The following RCAN2 variants were observed in gnomAD, a reference collection of about 807,000 sequenced individuals.
RCAN2 encodes regulator of calcineurin 2, also known as calcipressin-2.
In RCAN2, 9 loss-of-function variants were observed where a neutral mutation model predicts 23.6. The observed-to-expected ratio is 0.38, with a 90% CI of 0.23 to 0.67. The LOEUF (loss-of-function observed/expected upper bound fraction) is 0.67, where lower values mean the gene tolerates loss of function less well. RCAN2 is among the 30% of genes least tolerant of loss of function. The pLI is 0.51. For missense variants in RCAN2, 273 were observed against 302.3 expected, an observed-to-expected ratio of 0.90 and a Z score of 0.72; for synonymous variants, 109 against 115.7, an observed-to-expected ratio of 0.94 and a Z score of 0.37.
chr6:46,487,284 T>C (rs1769021610), intron 1 of RCAN2, among the ~76,000 whole-genome samples: 1 of 152,234 alleles, frequency 6.6e-6, no homozygotes, highest in Non-Finnish European at 1.5e-5. Context: ...GGTAACCTAT[T>C]AATGAATACT....
At chr6:46,487,699 C>T (rs1769033738) in intron 1 of RCAN2, among the ~76,000 whole-genome samples, 1 of 152,176 alleles carries the variant, frequency 6.6e-6, no homozygotes, top group Non-Finnish European at 1.5e-5. Flanking sequence ...ACTTTAGTGC[C>T]CAGGCAGGCA....
chr6:46,345,195 G>C (rs1003696044), intron 2 of RCAN2, among the ~76,000 whole-genome samples: 1 of 151,924 alleles, frequency 6.6e-6, no homozygotes, highest in Non-Finnish European at 1.5e-5. Flanking sequence ...TTCATATCAA[G>C]AAAATGTAAC....
At chr6:46,263,483 GTGTGTGTGTGTA>G (rs1165367414) in intron 2 of RCAN2, among the ~76,000 whole-genome samples, 3 of 146,156 alleles carry the variant, frequency 2.1e-5, no homozygotes, top group African/African-American at 7.6e-5. Context: ...GTATGTGTGT[GTGTGTGTGTGTA>G]TGTGTGTATG....
At chr6:46,446,165 A>G (rs1767698714) in intron 2 of RCAN2, among the ~76,000 whole-genome samples, 1 of 136,196 alleles carries the variant, frequency 7.3e-6, no homozygotes, top group Admixed American at 7.1e-5. Context: ...TAAAAGCAAG[A>G]AAAAAAAAAA....
chr6:46,437,727 G>T (rs188159371), intron 2 of RCAN2, among the ~76,000 whole-genome samples: 1 of 152,314 alleles, frequency 6.6e-6, no homozygotes, highest in African/African-American at 2.4e-5. Context: ...TATCCCAACT[G>T]CTGAGTGGTG....
chr6:46,469,377 A>C (rs924273868), intron 1 of RCAN2, among the ~76,000 whole-genome samples: 1 of 152,238 alleles, frequency 6.6e-6, no homozygotes, highest in African/African-American at 2.4e-5. Flanking sequence ...GCCTGCTGCA[A>C]TTGGGACCAG....
intron 2 of RCAN2, among the ~76,000 whole-genome samples, chr6:46,389,328 G>A (rs1765860754): frequency 6.6e-6 from 1 of 152,134 alleles, no homozygotes; most frequent in Non-Finnish European, 1.5e-5. Flanking sequence ...AGACTCCCCA[G>A]TTTTCTTTAC....
intron 2 of RCAN2, among the ~76,000 whole-genome samples, chr6:46,275,165 CT>C (rs1327631995): frequency 1.2e-3 from 179 of 145,580 alleles, no homozygotes; most frequent in African/African-American, 2.6e-3. Context: ...CAATCATCAC[CT>C]TTTTTTTTTT....
intron 2 of RCAN2, among the ~76,000 whole-genome samples, chr6:46,385,523 C>T (rs921856189): frequency 1.3e-5 from 2 of 152,112 alleles, no homozygotes; most frequent in Admixed American, 1.3e-4. Flanking sequence ...GGACCCTTTT[C>T]TTACACCTTA....
chr6:46,435,562 T>C (rs1767340150), intron 2 of RCAN2, among the ~76,000 whole-genome samples: 1 of 152,242 alleles, frequency 6.6e-6, no homozygotes, highest in African/African-American at 2.4e-5. Flanking sequence ...CCAATCACAA[T>C]TAACGAATAC....
chr6:46,280,844 A>T (rs1008847419), intron 2 of RCAN2, among the ~76,000 whole-genome samples: 1 of 152,082 alleles, frequency 6.6e-6, no homozygotes, highest in Non-Finnish European at 1.5e-5. Context: ...GTATGTGGAC[A>T]CACATGCATG....
intron 2 of RCAN2, among the ~76,000 whole-genome samples, chr6:46,266,341 C>A (rs1454893393): frequency 6.6e-6 from 1 of 152,156 alleles, no homozygotes; most frequent in East Asian, 1.9e-4. Flanking sequence ...CTTACAATCA[C>A]GACATTGTTT....
intron 2 of RCAN2, chr6:46,325,293 T>A: frequency 7.5e-7 from 1 of 1,336,816 alleles, no homozygotes; most frequent in Non-Finnish European, 1.0e-6. Flanking sequence ...GACTATGAGC[T>A]GAAAACTATT....
chr6:46,353,950 T>C (rs1020607568), intron 2 of RCAN2, among the ~76,000 whole-genome samples: 11 of 152,240 alleles, frequency 7.2e-5, no homozygotes, highest in Admixed American at 6.5e-4. Context: ...ATTACTAATA[T>C]GGACTTTAAT....
At chr6:46,322,163 G>C (rs1763638703) in intron 2 of RCAN2, among the ~76,000 whole-genome samples, 1 of 152,114 alleles carries the variant, frequency 6.6e-6, no homozygotes, top group Admixed American at 6.5e-5. Flanking sequence ...TTTTCCCAAG[G>C]GTTTGGCTCT....
chr6:46,481,598 TTTG>T (rs1561923040), intron 1 of RCAN2, among the ~76,000 whole-genome samples: 1 of 152,212 alleles, frequency 6.6e-6, no homozygotes, highest in African/African-American at 2.4e-5. Context: ...TGCTTCTTAG[TTTG>T]TTATTTGTTA....
intron 2 of RCAN2, among the ~76,000 whole-genome samples, chr6:46,264,910 A>G (rs893487535): frequency 6.6e-6 from 1 of 152,212 alleles, no homozygotes; most frequent in Non-Finnish European, 1.5e-5. Context: ...CTTATGAGGC[A>G]GATGAAGAAA....
intron 2 of RCAN2, among the ~76,000 whole-genome samples, chr6:46,264,318 C>G (rs568749075): frequency 1.1e-4 from 17 of 152,282 alleles, no homozygotes; most frequent in African/African-American, 3.8e-4. Context: ...TCAAAGTAAG[C>G]TTTTCAAAAG....
chr6:46,296,794 G>A (rs1326934405), intron 2 of RCAN2, among the ~76,000 whole-genome samples: 1 of 151,970 alleles, frequency 6.6e-6, no homozygotes, highest in Admixed American at 6.6e-5. Context: ...CCTATGACAA[G>A]ATTCATGAAA....
Sources: gnomAD v4.1 joint callset for allele counts (sites outside exome capture counted in the v4.1 genomes callset) on GRCh38, gnomAD v4.1.1 for gene constraint, MANE v1.5 for transcripts, NCBI Gene and HGNC (gene_info 2026-07-23, HGNC 2026-07-21) for gene names.